The following CEACAM1 variants were observed in gnomAD, a reference collection of about 807,000 sequenced individuals.
The protein encoded by CEACAM1 is CEA cell adhesion molecule 1, also known as cell adhesion molecule CEACAM1.
In CEACAM1, 31 loss-of-function variants were observed where a neutral mutation model predicts 49.1. That is an observed-to-expected ratio of 0.63 (90% CI 0.47 to 0.85). The LOEUF is 0.85. Among genes scored for constraint, CEACAM1 ranks in the 40% least tolerant of loss-of-function variants. The probability of loss-of-function intolerance (pLI) is 0.00; values close to 1 mark genes in which losing one functional copy is unlikely to be tolerated. For missense variants in CEACAM1, 570 were observed against 645.3 expected, an observed-to-expected ratio of 0.88 and a Z score of 1.26; for synonymous variants, 244 against 247.8, an observed-to-expected ratio of 0.98 and a Z score of 0.14.
rs747214577 is a variant in CEACAM1, at chr19:42,512,305, C to G, written c.1376+45G>C. ...AATTCTTTCCCTCTCCCAAGCATGG[C>G]AGTCAGCCTTGGAGGAAACAGAACA... On this transcript the variant is annotated intron_variant, in intron 6 of 8. Transcript: ENST00000161559. The G allele has an allele frequency of 1.6e-5, 25 of 1,609,032 alleles. No individual in the cohort carries two copies. The African/African-American group carries it at 3.2e-4, about 21-fold the overall frequency.
At chr19:42,509,415 G>A (rs1464300893) in intron 8 of CEACAM1, among the ~76,000 whole-genome samples, 187 bp from the exon 9 acceptor site, 1 of 152,122 alleles carries the variant, frequency 6.6e-6, no homozygotes, top group Non-Finnish European at 1.5e-5. Context: ...AGAAATTATG[G>A]TATATATGCA....
At position 42,521,919 on chromosome 19, in the gene CEACAM1, C is replaced by T; in HGVS notation, c.703+5G>A. On this transcript the variant is annotated splice_donor_5th_base_variant and intron_variant, in intron 3 of 8. Transcript: ENST00000161559. ...CTGGGCCACAGAGGAACAGAAGATA[C>T]TCACAGGTGACATTCAAGGTGACTG... The T allele has an allele frequency of 6.2e-7, 1 of 1,614,216 alleles. No homozygotes were observed. Among genetic ancestry groups the T allele is most frequent in the Non-Finnish European group, 8.5e-7 (1 of 1,180,032 alleles).
chr19:42,510,139 G>A (rs1262196706), intron 8 of CEACAM1, among the ~76,000 whole-genome samples: 3 of 152,054 alleles, frequency 2.0e-5, no homozygotes, highest in Non-Finnish European at 2.9e-5. Context: ...AGGCTGGAGC[G>A]CAATGGCGCA....
intron 2 of CEACAM1, among the ~76,000 whole-genome samples, chr19:42,523,075 C>T (rs991186738): frequency 1.3e-5 from 2 of 152,216 alleles, no homozygotes; most frequent in Non-Finnish European, 2.9e-5. Flanking sequence ...TCTGGTCCTT[C>T]CCTGACTGGC....
intron 5 of CEACAM1, among the ~76,000 whole-genome samples, chr19:42,516,241 A>G (rs1038612866): frequency 6.6e-6 from 1 of 152,234 alleles, no homozygotes; most frequent in African/African-American, 2.4e-5. Flanking sequence ...ACCTGTTTGC[A>G]GAATACACTA....
intron 5 of CEACAM1, among the ~76,000 whole-genome samples, chr19:42,514,448 A>G (rs1418993593): frequency 6.6e-6 from 1 of 152,160 alleles, no homozygotes; most frequent in Non-Finnish European, 1.5e-5. Flanking sequence ...TAATTAAAAA[A>G]AAATAATTTT....
intron 2 of CEACAM1, among the ~76,000 whole-genome samples, chr19:42,523,768 G>C (rs2147802632): frequency 6.6e-6 from 1 of 152,294 alleles, no homozygotes; most frequent in East Asian, 1.9e-4. Flanking sequence ...ATTAATAAGA[G>C]GAATATTCTC....
At position 42,508,566 on chromosome 19, in the gene CEACAM1, A is replaced by G. The variant is rs1246392394; in HGVS notation, c.*543T>C. On this transcript the variant is annotated 3_prime_UTR_variant, in exon 9 of 9. Coordinates refer to ENST00000161559, the MANE Select transcript of CEACAM1 (RefSeq NM_001712.5). ...AGGTAGACAACCCTGACAGTGGACA[A>G]AGGTGTGGCATTTCACTATTGGTTA... 1.3e-5 allele frequency: 2 copies of G among 154,228 alleles called. No individual in the cohort carries two copies. The highest frequency in any genetic ancestry group is 2.9e-5 in the Non-Finnish European group (2 of 69,288). 9.6% of individuals were successfully genotyped at this position (154,228 alleles called of 1,614,324 possible). A position where few individuals can be genotyped will look rare whatever the true frequency, so the allele number is the denominator to read the frequency against.
Position 42,527,289 on chromosome 19 carries a change from G to A in CEACAM1, c.176C>T (p.Pro59Leu). 1.2e-6 allele frequency: 2 copies of A among 1,614,010 alleles called. No individual in the cohort carries two copies. The highest frequency in any genetic ancestry group is 1.7e-6 in the Non-Finnish European group (2 of 1,179,968). Residue 59 changes from proline (P) to leucine (L), a missense_variant, in exon 2 of 9, where the codon CCC becomes CTC. Coordinates refer to ENST00000161559, the MANE Select transcript of CEACAM1 (RefSeq NM_001712.5). Reference protein sequence around the residue: ...KEVLLLVHNLPQQLFGYSWYK... With the variant: ...KEVLLLVHNLLQQLFGYSWYK... ...CCAGCTGTAGCCAAAAAGTTGCTGGGGCAGATTGTGGACAAGGAGAAGAAC... is the reference window on the plus strand; with the variant it reads ...CCAGCTGTAGCCAAAAAGTTGCTGGAGCAGATTGTGGACAAGGAGAAGAAC...
At chr19:42,527,504 A>AGTGTGT (rs3038002) in intron 1 of CEACAM1, 104 bp from the exon 2 acceptor site, 40,641 of 711,836 alleles carry the variant, frequency 0.057, 672 homozygotes, top group East Asian at 0.11. Flanking sequence ...TCCACCTTGG[A>AGTGTGT]GTGTGTGTGT....
intron 5 of CEACAM1, among the ~76,000 whole-genome samples, chr19:42,516,039 A>G (rs987342258): frequency 2.0e-5 from 3 of 152,220 alleles, no homozygotes; most frequent in African/African-American, 7.2e-5. Flanking sequence ...TCAACATAAT[A>G]AATGCTACAT....
chr19:42,528,184 G>A, intron 1 of CEACAM1, 127 bp downstream of exon 1: 2 of 700,064 alleles, frequency 2.9e-6, no homozygotes, highest in Non-Finnish European at 4.9e-6. Flanking sequence ...TCCCTTTCAT[G>A]TCCTCTCTCC....
rs550811730 is a variant in CEACAM1 at position 42,510,641 on chromosome 19, G to A, written c.1461+248C>T. Among the ~76,000 whole-genome samples the A allele has an allele frequency of 5.9e-5, 9 of 152,344 alleles. No homozygotes were observed. The South Asian group carries it at 1.9e-3, about 32-fold the overall frequency. Reference sequence around the variant, plus strand: ...CAAAGCTGATGATCAAAGAGGTTAAGTTACTTGACAAGGGTCACAGAGCTA... The same window carrying A: ...CAAAGCTGATGATCAAAGAGGTTAAATTACTTGACAAGGGTCACAGAGCTA... On this transcript the variant is annotated intron_variant, in intron 8 of 8. Transcript: ENST00000161559.
chr19:42,507,493 C>T lies in CEACAM1; in HGVS notation c.*1616G>A, dbSNP rs2041363536. ...TGAGTATAGAGAACTCCAAGCTAAT[C>T]CTCCTGGAGAAAGCCTCTTAGGCCT... On this transcript the variant is annotated 3_prime_UTR_variant, in exon 9 of 9. Transcript: ENST00000161559. The T allele has an allele frequency of 6.6e-6, 1 of 152,116 alleles. No individual in the cohort carries two copies. Among genetic ancestry groups the T allele is most frequent in the Non-Finnish European group, 1.5e-5 (1 of 68,032 alleles). The allele number at this position is 152,116 out of a possible 1,614,324, so 9.4% of individuals were successfully genotyped here. A position where few individuals can be genotyped will look rare whatever the true frequency, so the allele number is the denominator to read the frequency against.
In CEACAM1 at chr19:42,518,935, A is replaced by G. The variant is rs1466231631; in HGVS notation, c.1246+13T>C. On this transcript the variant is annotated intron_variant, in intron 5 of 8. Coordinates refer to ENST00000161559, the MANE Select transcript of CEACAM1 (RefSeq NM_001712.5). ...CTAGAGGGACATATAGGAAGGGGTG[A>G]GGAGTCACTTACAGTTTACGTTCAG... 6.2e-7 allele frequency: 1 copy of G among 1,614,030 alleles called. No individual in the cohort carries two copies. Among genetic ancestry groups the G allele is most frequent in the Admixed American group, 1.7e-5 (1 of 60,030 alleles).
chr19:42,511,743 C>A, intron 6 of CEACAM1, 115 bp from the exon 7 acceptor site: 1 of 940,484 alleles, frequency 1.1e-6, no homozygotes, highest in Non-Finnish European at 1.7e-6. Context: ...GTTCATACTG[C>A]CTTTCTTCTG....
At chr19:42,513,324 C>T (rs983137649) in intron 5 of CEACAM1, among the ~76,000 whole-genome samples, 7 of 152,244 alleles carry the variant, frequency 4.6e-5, no homozygotes, top group South Asian at 2.1e-4. Context: ...GCAGGCCGGG[C>T]GCGGTGGCTG....
chr19:42,527,200 C>T lies in CEACAM1; in HGVS notation c.265G>A (p.Ala89Thr). 1 of 1,614,126 alleles carries T rather than the reference C, an allele frequency of 6.2e-7. No homozygotes were observed. The highest frequency in any genetic ancestry group is 8.5e-7 in the Non-Finnish European group (1 of 1,180,020). ...CCGCTGTTTGCGGGCCCTGGGGTAG[C>T]TTGTTGAGTTCCTATTGCATATCCT... ...IVGYAIGTQQ[A>T]TPGPANSGRE... Residue 89 changes from alanine (A) to threonine (T), a missense_variant, in exon 2 of 9, where the codon GCT (alanine) becomes ACT (threonine). Transcript: ENST00000161559.
intron 5 of CEACAM1, among the ~76,000 whole-genome samples, chr19:42,513,081 A>AT (rs1238506957): frequency 1.3e-5 from 2 of 152,136 alleles, no homozygotes; most frequent in African/African-American, 4.8e-5. Context: ...GCTATTTTGT[A>AT]TGTGATTAGA....
Sources: gnomAD v4.1 joint callset for allele counts (sites outside exome capture counted in the v4.1 genomes callset) on GRCh38, gnomAD v4.1.1 for gene constraint, MANE v1.5 for transcripts, NCBI Gene and HGNC (gene_info 2026-07-23, HGNC 2026-07-21) for gene names.